Variants in NKAIN2 observed in about 807,000 individuals in gnomAD.
The protein encoded by NKAIN2 is sodium/potassium transporting ATPase interacting 2.
A neutral mutation model predicts 32.6 loss-of-function variants in NKAIN2; 14 were observed. The observed-to-expected ratio is 0.43, with a 90% CI of 0.28 to 0.67. The LOEUF (loss-of-function observed/expected upper bound fraction) is 0.67, where lower values mean the gene tolerates loss of function less well. Ranked by LOEUF, NKAIN2 falls within the 30% of genes least tolerant of loss-of-function variation. The probability of loss-of-function intolerance (pLI) is 0.17; values close to 1 mark genes in which losing one functional copy is unlikely to be tolerated. For missense variants in NKAIN2, 198 were observed against 258.3 expected, an observed-to-expected ratio of 0.77 and a Z score of 1.60; for synonymous variants, 80 against 87.2, an observed-to-expected ratio of 0.92 and a Z score of 0.46.
chr6:124,356,163 A>T (rs544970500), intron 3 of NKAIN2, among the ~76,000 whole-genome samples: 1 of 152,312 alleles, frequency 6.6e-6, no homozygotes, highest in East Asian at 1.9e-4. Flanking sequence ...AAACATGTTG[A>T]TATTTGTAAA....
In NKAIN2 at chr6:123,823,731, G is replaced by C. The variant is rs1582596185; in HGVS notation, c.54+19477G>C. ...GAGAAAAGAAGTAATTTGAGTAGTTGGAGAAGGATCAGGTAGTGCATCATC... is the reference window on the plus strand; with the variant it reads ...GAGAAAAGAAGTAATTTGAGTAGTTCGAGAAGGATCAGGTAGTGCATCATC... On this transcript the variant is annotated intron_variant, in intron 1 of 6. Transcript: ENST00000368417. Among the ~76,000 whole-genome samples, 4 of 152,170 alleles carry C rather than the reference G, an allele frequency of 2.6e-5. No homozygotes were observed. In the South Asian group the frequency reaches 6.2e-4, roughly 24 times the overall value.
At chr6:124,476,523 C>G (rs1777224475) in intron 3 of NKAIN2, among the ~76,000 whole-genome samples, 1 of 151,422 alleles carries the variant, frequency 6.6e-6, no homozygotes, top group African/African-American at 2.4e-5. Context: ...CAATCAGAAG[C>G]AAAAAATACA....
intron 1 of NKAIN2, among the ~76,000 whole-genome samples, chr6:124,112,242 G>A (rs773273341): frequency 6.6e-6 from 1 of 152,114 alleles, no homozygotes; most frequent in Non-Finnish European, 1.5e-5. Context: ...TGTAAGGCAG[G>A]TCCGGTGTTG....
chr6:124,368,408 T>G lies in NKAIN2; in HGVS notation c.273+13061T>G, dbSNP rs142541209. 7.4e-4 allele frequency among the ~76,000 whole-genome samples: 113 copies of G among 152,258 alleles called. 1 individual carries two copies. The highest frequency in any genetic ancestry group is 2.6e-3 in the African/African-American group (107 of 41,568). On this transcript the variant is annotated intron_variant, in intron 3 of 6. Transcript: ENST00000368417. ...GAATGAACTGCTTTAATTTGTACTT[T>G]CTTACTTTGACATCTTTTACTATTC... is the stretch of plus-strand genomic sequence containing the variant.
At chr6:124,159,930 TACAG>T (rs1172094208) in intron 1 of NKAIN2, among the ~76,000 whole-genome samples, 2 of 152,206 alleles carry the variant, frequency 1.3e-5, no homozygotes, top group Non-Finnish European at 2.9e-5. Context: ...TTCGATGTTC[TACAG>T]CCAGCCAGTG....
At chr6:124,374,340 A>G (rs1163726349) in intron 3 of NKAIN2, among the ~76,000 whole-genome samples, 1 of 152,048 alleles carries the variant, frequency 6.6e-6, no homozygotes, top group Non-Finnish European at 1.5e-5. Context: ...ATATGAATGG[A>G]GTGACCCACA....
intron 1 of NKAIN2, among the ~76,000 whole-genome samples, chr6:124,176,260 C>T (rs1221054624): frequency 6.6e-6 from 1 of 152,134 alleles, no homozygotes; most frequent in African/African-American, 2.4e-5. Context: ...TTTCTCAACT[C>T]ATGGTTACTA....
At chr6:124,456,586 A>G (rs1040940797) in intron 3 of NKAIN2, among the ~76,000 whole-genome samples, 4 of 151,870 alleles carry the variant, frequency 2.6e-5, no homozygotes, top group South Asian at 2.1e-4. Flanking sequence ...ATATATTTGC[A>G]TATGGTTACT....
At chr6:124,414,575 G>T (rs1041309236) in intron 3 of NKAIN2, among the ~76,000 whole-genome samples, 1 of 152,042 alleles carries the variant, frequency 6.6e-6, no homozygotes, top group Non-Finnish European at 1.5e-5. Context: ...TTATGGGATT[G>T]GTATTTTGCT....
rs965915140 is a variant in NKAIN2, at chr6:124,805,951, A to G, written c.536-12436A>G. ...GGAAGTTTAGAGAAAAAAGAATAAA[A>G]AGAAACGAACAAAGCCTCCAAGAAA... On this transcript the variant is annotated intron_variant, in intron 5 of 6. Transcript: ENST00000368417. Among the ~76,000 whole-genome samples the G allele has an allele frequency of 5.3e-5, 8 of 152,328 alleles. 1 individual carries two copies. The highest frequency in any genetic ancestry group is 3.3e-4 in the Admixed American group (5 of 15,312).
Position 123,967,879 on chromosome 6 carries a change from C to T in NKAIN2, c.54+163625C>T, listed in dbSNP as rs142435712. On this transcript the variant is annotated intron_variant, in intron 1 of 6. Coordinates refer to ENST00000368417, the MANE Select transcript of NKAIN2 (RefSeq NM_001040214.3). ...AAAGGTGCCCTGAGGAGCCAGTGTG[C>T]TCGCTCTCTGTGGTATCTCAACACT... Among the ~76,000 whole-genome samples the T allele has an allele frequency of 8.3e-3, 1,259 of 152,250 alleles. 12 individuals carry two copies. The highest frequency in any genetic ancestry group is 0.017 in the Middle Eastern group (5 of 294).
intron 3 of NKAIN2, among the ~76,000 whole-genome samples, chr6:124,456,332 C>G (rs1415783912): frequency 1.3e-5 from 2 of 151,572 alleles, no homozygotes; most frequent in Non-Finnish European, 2.9e-5. Context: ...AACGACATAC[C>G]TAACTATACA....
At chr6:124,119,928 T>C (rs1211904497) in intron 1 of NKAIN2, among the ~76,000 whole-genome samples, 1 of 152,150 alleles carries the variant, frequency 6.6e-6, no homozygotes, top group African/African-American at 2.4e-5. Context: ...TTTTCTTTTG[T>C]ATACCTGGCC....
intron 4 of NKAIN2, among the ~76,000 whole-genome samples, chr6:124,773,853 G>C (rs1300347156): frequency 6.6e-6 from 1 of 152,172 alleles, no homozygotes; most frequent in East Asian, 1.9e-4. Context: ...AACAAGATTT[G>C]AAAGAGATAC....
intron 1 of NKAIN2, among the ~76,000 whole-genome samples, chr6:124,218,019 T>G (rs1363143133): frequency 6.6e-6 from 1 of 151,504 alleles, no homozygotes; most frequent in Non-Finnish European, 1.5e-5. Flanking sequence ...TTCTGAAAGC[T>G]ACAGTTCCAG....
At chr6:124,135,179 C>A (rs374719766) in intron 1 of NKAIN2, among the ~76,000 whole-genome samples, 23 of 151,026 alleles carry the variant, frequency 1.5e-4, no homozygotes, top group African/African-American at 5.1e-4. Flanking sequence ...CTCCTTGAAC[C>A]GTAAATCTCA....
chr6:124,718,328 G>A (rs548041259), intron 4 of NKAIN2, among the ~76,000 whole-genome samples: 39 of 152,134 alleles, frequency 2.6e-4, no homozygotes, highest in East Asian at 1.5e-3. Flanking sequence ...GCAATCATAC[G>A]ACATGTTGTC....
intron 3 of NKAIN2, among the ~76,000 whole-genome samples, chr6:124,583,421 G>T (rs939467130): frequency 3.9e-5 from 6 of 152,008 alleles, no homozygotes; most frequent in Non-Finnish European, 8.8e-5. Flanking sequence ...CCAAAGAAAT[G>T]AAAGGCTTAC....
intron 1 of NKAIN2, among the ~76,000 whole-genome samples, chr6:123,957,354 C>A (rs1280646047): frequency 6.6e-6 from 1 of 152,150 alleles, no homozygotes; most frequent in African/African-American, 2.4e-5. Flanking sequence ...ACTTCCTTAG[C>A]AGATGTCTGG....
Sources: gnomAD v4.1 joint callset for allele counts (sites outside exome capture counted in the v4.1 genomes callset) on GRCh38, gnomAD v4.1.1 for gene constraint, MANE v1.5 for transcripts, NCBI Gene and HGNC (gene_info 2026-07-23, HGNC 2026-07-21) for gene names.